The following KALRN variants were observed in gnomAD, a reference collection of about 807,000 sequenced individuals.
KALRN encodes the protein kalirin RhoGEF kinase, also known as kalirin.
In KALRN, 70 loss-of-function variants were observed where a neutral mutation model predicts 353.7. That is an observed-to-expected ratio of 0.20 (90% CI 0.16 to 0.24). The LOEUF (loss-of-function observed/expected upper bound fraction) is 0.24, where lower values mean the gene tolerates loss of function less well. Ranked by LOEUF, KALRN falls within the 10% of genes least tolerant of loss-of-function variation. The pLI, the probability that KALRN is intolerant of heterozygous loss-of-function variation, is 1.00. For synonymous variants in KALRN, 1,391 were observed against 1,434.8 expected, an observed-to-expected ratio of 0.97 and a Z score of 0.69; for missense variants, 2,791 against 3,756.7, an observed-to-expected ratio of 0.74 and a Z score of 6.72.
chr3:124,082,407 C>T lies in KALRN; in HGVS notation c.73+48594C>T. 9.6e-6 allele frequency: 4 copies of T among 417,970 alleles called. 1 individual carries two copies. Among genetic ancestry groups the T allele is most frequent in the Non-Finnish European group, 1.5e-5 (3 of 201,636 alleles). The allele number at this position is 417,970 out of a possible 1,614,324, so 25.9% of individuals were successfully genotyped here. On this transcript the variant is annotated intron_variant, in intron 1 of 59. Coordinates refer to ENST00000682506, the MANE Select transcript of KALRN (RefSeq NM_001388419.1). ...TGGAAGGCTCTGGCAAAGCTACAAC[C>T]AAGTAATTCTTCTCCAGAATCCCAC...
chr3:124,374,438 A>T (rs1309393784), intron 10 of KALRN: 1 of 152,170 alleles, frequency 6.6e-6, no homozygotes, highest in Admixed American at 6.5e-5. Context: ...CTTCCTACAG[A>T]TGTATATAGG....
chr3:124,330,246 T>TCACA (rs774251256), intron 8 of KALRN, among the ~76,000 whole-genome samples: 8,307 of 134,150 alleles, frequency 0.062, 273 homozygotes, highest in Non-Finnish European at 0.071. Context: ...TCTCTCTCTC[T>TCACA]CACACACACA....
chr3:124,161,430 A>G (rs928519676), intron 1 of KALRN, among the ~76,000 whole-genome samples: 8 of 152,184 alleles, frequency 5.3e-5, no homozygotes, highest in African/African-American at 1.9e-4. Flanking sequence ...TATAAGCTGA[A>G]CTTAATAACA....
At chr3:124,604,855 TAA>T (rs10708914) in intron 34 of KALRN, among the ~76,000 whole-genome samples, 191 of 145,926 alleles carry the variant, frequency 1.3e-3, no homozygotes, top group Admixed American at 1.8e-3. Context: ...CCTGGCTAAT[TAA>T]AAAAAAAAAA....
intron 1 of KALRN, among the ~76,000 whole-genome samples, chr3:124,182,451 C>G (rs962866128): frequency 6.6e-6 from 1 of 152,188 alleles, no homozygotes; most frequent in African/African-American, 2.4e-5. Context: ...AGAGGCTGAT[C>G]TCTGGTCTTT....
chr3:124,680,316 C>G (rs528942938), intron 51 of KALRN, among the ~76,000 whole-genome samples: 18 of 152,368 alleles, frequency 1.2e-4, no homozygotes, highest in Admixed American at 1.0e-3. Flanking sequence ...CTTCCAACTC[C>G]CAGTCTGTTG....
chr3:124,364,945 G>C (rs2084479844), intron 10 of KALRN, among the ~76,000 whole-genome samples: 1 of 152,116 alleles, frequency 6.6e-6, no homozygotes, highest in Non-Finnish European at 1.5e-5. Context: ...CTACTCTTTG[G>C]CTTCACATTC....
chr3:124,323,461 A>G (rs999003815), intron 6 of KALRN, among the ~76,000 whole-genome samples: 1 of 152,212 alleles, frequency 6.6e-6, no homozygotes, highest in Non-Finnish European at 1.5e-5. Flanking sequence ...ACAGCCCCCA[A>G]CACAGAGCCT....
At chr3:124,570,234 A>C (rs1159955935) in intron 34 of KALRN, among the ~76,000 whole-genome samples, 1 of 152,234 alleles carries the variant, frequency 6.6e-6, no homozygotes, top group Non-Finnish European at 1.5e-5. Context: ...TTAGAGGATG[A>C]ATATTCCCTA....
At chr3:124,215,803 G>A (rs1004725376) in intron 1 of KALRN, among the ~76,000 whole-genome samples, 2 of 152,136 alleles carry the variant, frequency 1.3e-5, no homozygotes, top group Non-Finnish European at 2.9e-5. Context: ...AGCATGATGA[G>A]CAAGTAATGG....
chr3:124,081,693 C>A (rs1215722551), intron 1 of KALRN, among the ~76,000 whole-genome samples: 2 of 152,108 alleles, frequency 1.3e-5, no homozygotes, highest in Admixed American at 6.5e-5. Flanking sequence ...TCCCTTGAGC[C>A]TGAAAGTGAG....
rs1304466094 is a variant in KALRN, at chr3:124,044,200, G to A, written c.73+10387G>A. Among the ~76,000 whole-genome samples the A allele has an allele frequency of 2.0e-5, 3 of 152,078 alleles. No homozygotes were observed. The East Asian group carries it at 5.8e-4, about 29-fold the overall frequency. ...TTCAGGGGCTGACCCAAGATGAAAAGCCCCATTTCATCAAAGGCTCCTCAG... is the reference window on the plus strand; with the variant it reads ...TTCAGGGGCTGACCCAAGATGAAAAACCCCATTTCATCAAAGGCTCCTCAG... On this transcript the variant is annotated intron_variant, in intron 1 of 59. Transcript: ENST00000682506.
intron 1 of KALRN, among the ~76,000 whole-genome samples, chr3:124,194,373 AC>A (rs2075230569): frequency 6.6e-6 from 1 of 151,928 alleles, no homozygotes; most frequent in Non-Finnish European, 1.5e-5. Context: ...TGTCAAGCAT[AC>A]CTGGGTCTTA....
intron 38 of KALRN, among the ~76,000 whole-genome samples, chr3:124,653,607 A>G (rs1359441624): frequency 6.6e-6 from 1 of 152,166 alleles, no homozygotes; most frequent in Non-Finnish European, 1.5e-5. Context: ...AGACCGGGGG[A>G]GGTAAATTAG....
chr3:124,220,526 G>A (rs2077783192), intron 1 of KALRN, among the ~76,000 whole-genome samples: 1 of 152,098 alleles, frequency 6.6e-6, no homozygotes, highest in Non-Finnish European at 1.5e-5. Context: ...GAAAGGAGGG[G>A]ATGAAAGAAG....
chr3:124,092,877 A>T (rs1010802648), intron 1 of KALRN, among the ~76,000 whole-genome samples: 1 of 152,196 alleles, frequency 6.6e-6, no homozygotes, highest in Non-Finnish European at 1.5e-5. Context: ...CATGTGAGCG[A>T]TGGATTCTTG....
Position 124,334,159 on chromosome 3 carries a change from T to G in KALRN, c.1417-106T>G. ...GTGTCTGGGTATGGAATGCCTGAGA[T>G]TCTCAGAAGGCCTAGTCAGGGACCC... is the stretch of plus-strand genomic sequence containing the variant. On this transcript the variant is annotated intron_variant, in intron 8 of 59. Coordinates refer to ENST00000682506, the MANE Select transcript of KALRN (RefSeq NM_001388419.1). This position sits in a 1 kb window ranked among gnomAD's most constrained non-coding sequence, Gnocchi z 4.2. 1.1e-6 allele frequency: 1 copy of G among 936,896 alleles called. No individual in the cohort carries two copies. The highest frequency in any genetic ancestry group is 1.7e-6 in the Non-Finnish European group (1 of 591,710). 58.0% of individuals were successfully genotyped at this position (936,896 alleles called of 1,614,324 possible).
chr3:124,067,170 G>A (rs1410073812), intron 1 of KALRN, among the ~76,000 whole-genome samples: 6 of 152,196 alleles, frequency 3.9e-5, no homozygotes, highest in African/African-American at 1.4e-4. Flanking sequence ...GAGCCAGAAA[G>A]GGGATGCTCA....
intron 33 of KALRN, among the ~76,000 whole-genome samples, chr3:124,502,609 T>C (rs911891189): frequency 1.3e-5 from 2 of 152,166 alleles, no homozygotes; most frequent in Non-Finnish European, 2.9e-5. Flanking sequence ...CTCCATCTCC[T>C]CATCTGTGCA....
Sources: gnomAD v4.1 joint callset for allele counts (sites outside exome capture counted in the v4.1 genomes callset) on GRCh38, gnomAD v4.1.1 for gene constraint, Gnocchi (gnomAD v3.1) non-coding constraint, MANE v1.5 for transcripts, NCBI Gene and HGNC (gene_info 2026-07-23, HGNC 2026-07-21) for gene names.